Variants in USP34 observed in about 807,000 individuals in gnomAD.
The protein encoded by USP34 is ubiquitin specific peptidase 34.
A neutral mutation model predicts 460.3 loss-of-function variants in USP34; 70 were observed. The observed-to-expected ratio is 0.15, with a 90% CI of 0.13 to 0.19. USP34 has a LOEUF of 0.19. USP34 is among the 10% of genes least tolerant of loss of function. The probability of loss-of-function intolerance (pLI) is 1.00; values close to 1 mark genes in which losing one functional copy is unlikely to be tolerated. For missense variants in USP34, 3,985 were observed against 4,236.2 expected (o/e 0.94, Z 1.65); for synonymous variants, 1,647 against 1,405.3 (o/e 1.17, Z -3.85).
In USP34 at chr2:61,280,327, G is replaced by C. The variant is rs1287841220; in HGVS notation, c.5173C>G (p.Pro1725Ala). Reference protein sequence around the residue: ...PIRIDDYEEEPILKPGCKEYF... With the variant: ...PIRIDDYEEEAILKPGCKEYF... Reference sequence around the variant, plus strand: ...TCTTTACATCCTGGTTTTAATATTGGTTCTTCCTCATAATCATCTATCTAT... The same window carrying C: ...TCTTTACATCCTGGTTTTAATATTGCTTCTTCCTCATAATCATCTATCTAT... The change falls in exon 39 of 80, where the codon CCA becomes GCA. Residue 1725 changes from proline to alanine, a missense_variant. Pro to Ala is a conservative substitution (Grantham distance 27). Coordinates refer to ENST00000398571, the MANE Select transcript of USP34 (RefSeq NM_014709.4). 6.5e-7 allele frequency: 1 copy of C among 1,531,054 alleles called. No homozygotes were observed. The highest frequency in any genetic ancestry group is 8.8e-7 in the Non-Finnish European group (1 of 1,141,082). 94.8% of individuals were successfully genotyped at this position (1,531,054 alleles called of 1,614,324 possible). A position where few individuals can be genotyped will look rare whatever the true frequency, so the allele number is the denominator to read the frequency against.
intron 1 of USP34, among the ~76,000 whole-genome samples, chr2:61,441,721 C>A (rs1694968675): frequency 1.4e-5 from 2 of 147,794 alleles, no homozygotes; most frequent in Admixed American, 1.4e-4. Context: ...GGAGAATCAA[C>A]TGTGCTCAGG....
intron 8 of USP34, 23 bp downstream of exon 8, chr2:61,378,340 T>A: frequency 6.6e-7 from 1 of 1,508,114 alleles, no homozygotes; most frequent in Non-Finnish European, 9.0e-7. Context: ...TATACTTATA[T>A]ATAAATTAAT....
At chr2:61,293,405 G>T in intron 33 of USP34, 59 bp downstream of exon 33, 1 of 1,289,156 alleles carries the variant, frequency 7.8e-7, no homozygotes, top group Non-Finnish European at 1.1e-6. Flanking sequence ...CTGATGAAAT[G>T]GAAGTATTTC....
chr2:61,441,730 G>C (rs1694969107), intron 1 of USP34, among the ~76,000 whole-genome samples: 2 of 147,800 alleles, frequency 1.4e-5, no homozygotes, highest in Non-Finnish European at 3.0e-5. Flanking sequence ...ACTGTGCTCA[G>C]GTCAAGGCTG....
At chr2:61,223,614 G>A (rs1687651279) in intron 62 of USP34, 1 of 221,774 alleles carries the variant, frequency 4.5e-6, no homozygotes, top group African/African-American at 2.3e-5. Flanking sequence ...AAACCAAATG[G>A]ACTTCTAGAA....
intron 74 of USP34, among the ~76,000 whole-genome samples, 176 bp downstream of exon 74, chr2:61,204,080 T>A (rs1459165717): frequency 6.6e-6 from 1 of 152,228 alleles, no homozygotes; most frequent in East Asian, 1.9e-4. Context: ...TGTTGATTTT[T>A]GCAAATGTTC....
chr2:61,246,449 T>A lies in USP34; in HGVS notation c.6423A>T (p.Lys2141Asn), dbSNP rs770263882. Residue 2141 changes from lysine (K) to asparagine (N), a missense_variant, in exon 50 of 80, where the codon AAA (lysine) becomes AAT (asparagine). Transcript: ENST00000398571. ...AGTCATATTCATAGCTCTCTGAGTC[T>A]TTTGAATGATCACTGACTTCTTTAA... ...EGFKEVSDHSKDSESYEYDLI... is the reference protein window; with the variant it reads ...EGFKEVSDHSNDSESYEYDLI... 1.2e-5 allele frequency: 19 copies of A among 1,589,358 alleles called. No individual in the cohort carries two copies. In the Admixed American group the frequency reaches 3.2e-4, roughly 26 times the overall value.
At chr2:61,425,744 G>A (rs1474759423) in intron 1 of USP34, among the ~76,000 whole-genome samples, 5 of 152,126 alleles carry the variant, frequency 3.3e-5, no homozygotes, top group Non-Finnish European at 7.4e-5. Context: ...GACAGTAGAG[G>A]TGGTGGGAAG....
chr2:61,284,810 T>C (rs1689639616), intron 35 of USP34, 65 bp downstream of exon 35: 1 of 1,317,086 alleles, frequency 7.6e-7, no homozygotes, highest in Non-Finnish European at 1.0e-6. Context: ...TTTTTCAAAA[T>C]AAAGTTTTAA....
At chr2:61,298,779 TAAAAA>T (rs201811039) in intron 29 of USP34, among the ~76,000 whole-genome samples, 1 of 146,652 alleles carries the variant, frequency 6.8e-6, no homozygotes, top group East Asian at 2.0e-4. Flanking sequence ...AATGATGGAT[TAAAAA>T]AAAAAAATCA....
intron 21 of USP34, among the ~76,000 whole-genome samples, chr2:61,320,532 A>G (rs915018037): frequency 2.0e-5 from 3 of 152,150 alleles, no homozygotes; most frequent in Non-Finnish European, 4.4e-5. Context: ...ACATTATTTG[A>G]TGACCTACTG....
At chr2:61,426,270 A>G (rs1425300646) in intron 1 of USP34, among the ~76,000 whole-genome samples, 1 of 152,174 alleles carries the variant, frequency 6.6e-6, no homozygotes, top group Non-Finnish European at 1.5e-5. Flanking sequence ...CAAACACAGC[A>G]GGGTAGAGCA....
intron 20 of USP34, among the ~76,000 whole-genome samples, chr2:61,328,477 T>C (rs952286469): frequency 2.6e-5 from 4 of 152,158 alleles, no homozygotes; most frequent in African/African-American, 9.7e-5. Flanking sequence ...GAAATAAGTA[T>C]GCATGAACAA....
chr2:61,265,589 C>G (rs750586789), intron 42 of USP34, 32 bp from the exon 43 acceptor site: 1 of 1,569,792 alleles, frequency 6.4e-7, no homozygotes, highest in Non-Finnish European at 8.6e-7. Context: ...AAAGATCCCC[C>G]CCAAACAAAC....
At chr2:61,261,223 T>C (rs1688869031) in intron 43 of USP34, among the ~76,000 whole-genome samples, 1 of 152,202 alleles carries the variant, frequency 6.6e-6, no homozygotes, top group Admixed American at 6.5e-5. Flanking sequence ...CGTAACAGCA[T>C]TATTCACAAC....
chr2:61,328,912 T>C (rs756186930), intron 20 of USP34, among the ~76,000 whole-genome samples: 9 of 152,266 alleles, frequency 5.9e-5, no homozygotes, highest in Non-Finnish European at 1.0e-4. Flanking sequence ...GGGAGCTCTT[T>C]TATAACCTAG....
At position 61,188,141 on chromosome 2, in the gene USP34, G is replaced by C. The variant is rs1353261077; in HGVS notation, c.10602C>G (p.Val3534=). The C allele has an allele frequency of 6.2e-7, 1 of 1,613,708 alleles. No individual in the cohort carries two copies. The highest frequency in any genetic ancestry group is 8.5e-7 in the Non-Finnish European group (1 of 1,179,948). The change falls in exon 80 of 80, where the codon GTC becomes GTG. Residue 3534 remains valine (V), a synonymous_variant. Transcript: ENST00000398571. ...GGTTTCCTTTGCCAGATATCCTTGT[G>C]ACGACATGGATTGTAGATTCAATGG... ...CRTIESTIHV[V]TRISGKGNQA... is the part of the protein sequence containing the mutation.
chr2:61,355,505 C>G (rs1038876064), intron 10 of USP34, among the ~76,000 whole-genome samples: 2 of 152,110 alleles, frequency 1.3e-5, no homozygotes, highest in African/African-American at 4.8e-5. Flanking sequence ...TGAAGTTAAG[C>G]TGGTATAAAT....
intron 76 of USP34, 134 bp downstream of exon 76, chr2:61,192,767 C>T (rs1686680214): frequency 1.7e-6 from 1 of 597,082 alleles, no homozygotes; most frequent in Admixed American, 3.5e-5. Flanking sequence ...TATTTTCATT[C>T]ATTCATATGT....
Sources: gnomAD v4.1 joint callset for allele counts (sites outside exome capture counted in the v4.1 genomes callset) on GRCh38, gnomAD v4.1.1 for gene constraint, MANE v1.5 for transcripts, NCBI Gene and HGNC (gene_info 2026-07-23, HGNC 2026-07-21) for gene names.